TRAPPC9: variants seen among roughly 807,000 people sequenced by gnomAD.
TRAPPC9 encodes trafficking protein particle complex subunit 9, also known as IKK2 binding protein.
Under a neutral mutation model 124.0 loss-of-function variants are expected in TRAPPC9, and 83 were observed. That is an observed-to-expected ratio of 0.67 (90% CI 0.56 to 0.80). The LOEUF (loss-of-function observed/expected upper bound fraction) is 0.80, where lower values mean the gene tolerates loss of function less well. Ranked by LOEUF, TRAPPC9 falls within the 30% of genes least tolerant of loss-of-function variation. TRAPPC9 has a pLI of 0.00. For missense variants in TRAPPC9, 1,302 were observed against 1,508.3 expected, an observed-to-expected ratio of 0.86 and a Z score of 2.27; for synonymous variants, 638 against 617.5, an observed-to-expected ratio of 1.03 and a Z score of -0.49.
Position 140,269,712 on chromosome 8 carries a change from C to T in TRAPPC9, c.2278+5946G>A, listed in dbSNP as rs146165917. Among the ~76,000 whole-genome samples, 613 of 152,250 alleles carry T rather than the reference C, an allele frequency of 4.0e-3. 5 individuals carry two copies. Among genetic ancestry groups the T allele is most frequent in the African/African-American group, 0.013 (552 of 41,528 alleles). ...TGTTTGCTATAAAATTCTTTCAACT[C>T]TTCTGCATGGTTCAGTATTCTTATA... On this transcript the variant is annotated intron_variant, in intron 15 of 22. Transcript: ENST00000438773.
chr8:139,772,383 G>A (rs1262284525), intron 21 of TRAPPC9, among the ~76,000 whole-genome samples: 1 of 152,174 alleles, frequency 6.6e-6, no homozygotes, highest in Non-Finnish European at 1.5e-5. Flanking sequence ...TTACAGATGA[G>A]GAGATGGGGG....
chr8:140,392,021 C>T (rs560245109), intron 7 of TRAPPC9, among the ~76,000 whole-genome samples: 11 of 89,190 alleles, frequency 1.2e-4, no homozygotes, highest in African/African-American at 4.4e-4. Flanking sequence ...AGTGAAACTC[C>T]GTCTCAAAAA....
intron 21 of TRAPPC9, among the ~76,000 whole-genome samples, chr8:139,804,700 ACCACCACCAC>A (rs1275044856): frequency 1.1e-5 from 1 of 87,162 alleles, no homozygotes; most frequent in Admixed American, 1.3e-4. Context: ...ACCACCACCC[ACCACCACCAC>A]CCACCACCGG....
chr8:139,738,784 C>T (rs1197675579), intron 21 of TRAPPC9, among the ~76,000 whole-genome samples: 1 of 152,188 alleles, frequency 6.6e-6, no homozygotes, highest in Non-Finnish European at 1.5e-5. Flanking sequence ...TCAGGGCCAC[C>T]ACTTCCCAGG....
At position 139,827,003 on chromosome 8, in the gene TRAPPC9, C is replaced by T. The variant is rs970790144; in HGVS notation, c.3055+58876G>A. Reference sequence around the variant, plus strand: ...ACAGACTGCTTGCCGGTCCATCTTCCGGAACCTGGAGTCACTCTGCAGTAG... The same window carrying T: ...ACAGACTGCTTGCCGGTCCATCTTCTGGAACCTGGAGTCACTCTGCAGTAG... On this transcript the variant is annotated intron_variant, in intron 21 of 22. Transcript: ENST00000438773. Among the ~76,000 whole-genome samples, 72 of 152,220 alleles carry T rather than the reference C, an allele frequency of 4.7e-4. 1 individual carries two copies. The highest frequency in any genetic ancestry group is 5.9e-4 in the Admixed American group (9 of 15,290).
At chr8:140,033,410 T>C (rs907211649) in intron 17 of TRAPPC9, among the ~76,000 whole-genome samples, 20 of 152,092 alleles carry the variant, frequency 1.3e-4, no homozygotes, top group African/African-American at 4.8e-4. Flanking sequence ...TATTTTGAGG[T>C]GGGTCATACA....
intron 21 of TRAPPC9, among the ~76,000 whole-genome samples, chr8:139,858,827 G>GC (rs58721809): frequency 0.029 from 4,383 of 151,494 alleles, 196 homozygotes; most frequent in African/African-American, 0.1. Context: ...TGAATCCGGG[G>GC]GGGGCACAGT....
intron 17 of TRAPPC9, among the ~76,000 whole-genome samples, chr8:140,089,437 T>G (rs1051165053): frequency 1.3e-5 from 2 of 152,146 alleles, no homozygotes; most frequent in Non-Finnish European, 2.9e-5. Flanking sequence ...AAGTCTGCAG[T>G]CAAATCAATA....
In TRAPPC9 at chr8:139,981,297, G is replaced by C. The variant is rs564604082; in HGVS notation, c.2810+7429C>G. Among the ~76,000 whole-genome samples the C allele has an allele frequency of 2.0e-5, 3 of 152,268 alleles. No individual in the cohort carries two copies. The East Asian group carries it at 5.8e-4, about 29-fold the overall frequency. On this transcript the variant is annotated intron_variant, in intron 19 of 22. Transcript: ENST00000438773. ...GCCACGGGCTCACTAACTGACCTCG[G>C]GTCTCCATCTCCCCGCATCAGCTGA...
intron 17 of TRAPPC9, among the ~76,000 whole-genome samples, chr8:140,061,554 A>G (rs1247903692): frequency 6.6e-6 from 1 of 152,164 alleles, no homozygotes; most frequent in Non-Finnish European, 1.5e-5. Context: ...AGAGCCTTGA[A>G]CAAAGGAGAG....
At chr8:140,458,097 AG>A (rs1232673401), upstream of TRAPPC9, among the ~76,000 whole-genome samples, 46 of 81,174 alleles carry the variant, frequency 5.7e-4, no homozygotes, top group African/African-American at 2.2e-3. Flanking sequence ...TGGAGGAGGG[AG>A]GAGGGAGGGA....
At chr8:139,970,183 A>C (rs918310677) in intron 19 of TRAPPC9, among the ~76,000 whole-genome samples, 7 of 152,184 alleles carry the variant, frequency 4.6e-5, no homozygotes, top group African/African-American at 1.7e-4. Context: ...AACAGGCGCC[A>C]GCGATGCCCA....
chr8:140,137,292 A>T (rs2061319911), intron 17 of TRAPPC9, among the ~76,000 whole-genome samples: 2 of 152,214 alleles, frequency 1.3e-5, no homozygotes, highest in African/African-American at 4.8e-5. Context: ...ACTCCAAAGC[A>T]GAGACCACAT....
chr8:140,165,293 A>G (rs910340271), intron 17 of TRAPPC9, among the ~76,000 whole-genome samples: 3 of 152,084 alleles, frequency 2.0e-5, no homozygotes, highest in Admixed American at 6.5e-5. Context: ...GTGAGCCAAG[A>G]TCGCACCACT....
At chr8:139,978,097 C>G (rs1405687019) in intron 19 of TRAPPC9, among the ~76,000 whole-genome samples, 1 of 152,136 alleles carries the variant, frequency 6.6e-6, no homozygotes, top group African/African-American at 2.4e-5. Flanking sequence ...AGGCTGGTCT[C>G]GAACTCCTGG....
chr8:140,392,680 C>G (rs1243249958), intron 7 of TRAPPC9, among the ~76,000 whole-genome samples: 1 of 152,204 alleles, frequency 6.6e-6, no homozygotes, highest in Admixed American at 6.5e-5. Flanking sequence ...AGCACGCCTC[C>G]CAGAGGCCCT....
intron 11 of TRAPPC9, among the ~76,000 whole-genome samples, chr8:140,296,347 C>T (rs567320574): frequency 6.6e-6 from 1 of 152,338 alleles, no homozygotes; most frequent in African/African-American, 2.4e-5. Flanking sequence ...TCACTATAGC[C>T]TCGACCTCCC....
chr8:140,360,263 T>C (rs1176090262), intron 8 of TRAPPC9, 70 bp from the exon 9 acceptor site: 1 of 1,599,592 alleles, frequency 6.3e-7, no homozygotes, highest in Non-Finnish European at 8.5e-7. Context: ...TAATCTAAGT[T>C]GTAAAACTTG....
chr8:139,774,801 G>A (rs1230917245), intron 21 of TRAPPC9, among the ~76,000 whole-genome samples: 5 of 152,216 alleles, frequency 3.3e-5, no homozygotes, highest in South Asian at 2.1e-4. Context: ...CAGTGGACAG[G>A]TAAGGGGCAG....
Sources: gnomAD v4.1 joint callset for allele counts (sites outside exome capture counted in the v4.1 genomes callset) on GRCh38, gnomAD v4.1.1 for gene constraint, MANE v1.5 for transcripts, NCBI Gene and HGNC (gene_info 2026-07-23, HGNC 2026-07-21) for gene names.